Variants in KCNH8 observed in about 807,000 individuals in gnomAD.
KCNH8 encodes voltage-gated delayed rectifier potassium channel KCNH8.
A neutral mutation model predicts 103.6 loss-of-function variants in KCNH8; 70 were observed. The observed-to-expected ratio is 0.68, with a 90% CI of 0.56 to 0.82. KCNH8 has a LOEUF of 0.82. KCNH8 is among the 40% of genes least tolerant of loss of function. The probability of loss-of-function intolerance (pLI) is 0.00; values close to 1 mark genes in which losing one functional copy is unlikely to be tolerated. For synonymous variants in KCNH8, 498 were observed against 489.4 expected (o/e 1.02, Z -0.23); for missense variants, 1,217 against 1,329.9 (o/e 0.92, Z 1.32).
chr3:19,523,623 T>C (rs2069010937), intron 15 of KCNH8, among the ~76,000 whole-genome samples: 1 of 151,970 alleles, frequency 6.6e-6, no homozygotes, highest in African/African-American at 2.4e-5. Context: ...TTGTTCGGTT[T>C]GAAAGATAAA....
chr3:19,195,653 G>C (rs766975401), intron 1 of KCNH8, among the ~76,000 whole-genome samples: 1 of 151,960 alleles, frequency 6.6e-6, no homozygotes, highest in Non-Finnish European at 1.5e-5. Context: ...CAGAGGAGAA[G>C]ATACTCCATC....
chr3:19,148,649 TC>T lies in KCNH8; in HGVS notation c.-70del. On this transcript the variant is annotated 5_prime_UTR_variant, in exon 1 of 16. Transcript: ENST00000328405. ...CCGTCATCAGGTTCCCCTTCTCCCT[TC>T]TTGGCACTTTCCTTTCGAACCATCC... The T allele has an allele frequency of 6.8e-7, 1 of 1,481,466 alleles. No individual in the cohort carries two copies. Among genetic ancestry groups the T allele is most frequent in the South Asian group, 1.1e-5 (1 of 88,682 alleles). 91.8% of individuals were successfully genotyped at this position (1,481,466 alleles called of 1,614,324 possible).
At chr3:19,472,605 G>A (rs762305208) in intron 11 of KCNH8, among the ~76,000 whole-genome samples, 19 of 152,124 alleles carry the variant, frequency 1.2e-4, no homozygotes, top group African/African-American at 2.4e-4. Flanking sequence ...CTGTAAGTCC[G>A]TTAAACCTCT....
intron 2 of KCNH8, among the ~76,000 whole-genome samples, chr3:19,277,496 G>C (rs1005320988): frequency 2.0e-5 from 3 of 152,028 alleles, no homozygotes; most frequent in Non-Finnish European, 2.9e-5. Flanking sequence ...TCTAAAGTAG[G>C]CTGTGATCAT....
chr3:19,468,792 C>T (rs1029041902), intron 11 of KCNH8, among the ~76,000 whole-genome samples: 7 of 152,138 alleles, frequency 4.6e-5, no homozygotes, highest in African/African-American at 1.2e-4. Context: ...CCATGAGATT[C>T]GACTTCATGA....
At chr3:19,295,515 A>G (rs1275764067) in intron 3 of KCNH8, among the ~76,000 whole-genome samples, 2 of 152,218 alleles carry the variant, frequency 1.3e-5, no homozygotes, top group East Asian at 1.9e-4. Context: ...ATATCCAGCA[A>G]TATTTACCTA....
intron 7 of KCNH8, 23 bp downstream of exon 7, chr3:19,395,334 T>C: frequency 6.5e-7 from 1 of 1,532,676 alleles, no homozygotes; most frequent in East Asian, 2.3e-5. Flanking sequence ...ATTTGTCACA[T>C]TTTCCATTTT....
chr3:19,470,344 CTG>C (rs2125202272), intron 11 of KCNH8, among the ~76,000 whole-genome samples: 1 of 152,302 alleles, frequency 6.6e-6, no homozygotes, highest in South Asian at 2.1e-4. Flanking sequence ...CATTATCTCT[CTG>C]TTTCTTACTT....
chr3:19,451,129 A>C, intron 9 of KCNH8, 26 bp from the exon 10 acceptor site: 1 of 1,611,840 alleles, frequency 6.2e-7, no homozygotes, highest in Non-Finnish European at 8.5e-7. Flanking sequence ...CCCCAATTTG[A>C]TTTCCTCCTT....
Position 19,395,165 on chromosome 3 carries a change from A to G in KCNH8, c.1031A>G (p.Lys344Arg), listed in dbSNP as rs760137238. ...RLLRLLRLLQ[K>R]LDRYSQHSTI... Reference sequence around the variant, plus strand: ...TTGCGTCTTTTGCGTCTGCTGCAGAAGTTAGACCGCTATTCCCAACACAGT... The same window carrying G: ...TTGCGTCTTTTGCGTCTGCTGCAGAGGTTAGACCGCTATTCCCAACACAGT... The change falls in exon 7 of 16, where the codon AAG (lysine) becomes AGG (arginine). Residue 344 changes from lysine (K) to arginine (R), a missense_variant. Around this residue, in one of 3 missense-constraint regions of KCNH8, gnomAD observed 415 missense variants for 577.4 expected, o/e 0.72. Coordinates refer to ENST00000328405, the MANE Select transcript of KCNH8 (RefSeq NM_144633.3). 3 of 1,611,382 alleles carry G rather than the reference A, an allele frequency of 1.9e-6. No homozygotes were observed. The highest frequency in any genetic ancestry group is 2.5e-6 in the Non-Finnish European group (3 of 1,178,710).
intron 5 of KCNH8, among the ~76,000 whole-genome samples, chr3:19,361,487 G>A (rs2065946358): frequency 4.6e-5 from 7 of 152,034 alleles, no homozygotes. Context: ...GTATTTTGAG[G>A]TTATTTCCTA....
intron 2 of KCNH8, among the ~76,000 whole-genome samples, chr3:19,274,579 G>T (rs1228569143): frequency 1.3e-5 from 2 of 152,098 alleles, no homozygotes; most frequent in African/African-American, 4.8e-5. Context: ...AATAACCCCA[G>T]TTAATTTGTT....
chr3:19,165,019 G>A (rs11914939), intron 1 of KCNH8, among the ~76,000 whole-genome samples: 4,852 of 152,146 alleles, frequency 0.032, 258 homozygotes, highest in African/African-American at 0.11. Flanking sequence ...CAAGAGGGGT[G>A]GAATTACAAG....
At chr3:19,218,507 G>T (rs1294689764) in intron 1 of KCNH8, among the ~76,000 whole-genome samples, 1 of 152,174 alleles carries the variant, frequency 6.6e-6, no homozygotes, top group African/African-American at 2.4e-5. Context: ...GCTTTAGTCA[G>T]ATCATATCAC....
intron 5 of KCNH8, among the ~76,000 whole-genome samples, chr3:19,360,480 T>C (rs1559491934): frequency 6.6e-6 from 1 of 152,054 alleles, no homozygotes; most frequent in Non-Finnish European, 1.5e-5. Context: ...GTTTTATTGT[T>C]GCATTCCCAC....
At chr3:19,241,753 T>A (rs572780376) in intron 1 of KCNH8, among the ~76,000 whole-genome samples, 1 of 144,984 alleles carries the variant, frequency 6.9e-6, no homozygotes, top group Admixed American at 6.7e-5. Flanking sequence ...CACACACACA[T>A]GCTTGATAGA....
intron 11 of KCNH8, among the ~76,000 whole-genome samples, chr3:19,497,262 T>C (rs1001707298): frequency 1.3e-5 from 2 of 152,184 alleles, no homozygotes; most frequent in South Asian, 4.1e-4. Flanking sequence ...AGCTCTAATT[T>C]TGGTTATTTC....
chr3:19,387,497 G>A (rs1357790583), intron 5 of KCNH8, among the ~76,000 whole-genome samples: 3 of 152,134 alleles, frequency 2.0e-5, no homozygotes, highest in Non-Finnish European at 4.4e-5. Context: ...ATCAATGAGT[G>A]TGAAAAAGTG....
intron 7 of KCNH8, among the ~76,000 whole-genome samples, chr3:19,402,956 A>C (rs2066635216): frequency 6.6e-6 from 1 of 151,866 alleles, no homozygotes; most frequent in African/African-American, 2.4e-5. Flanking sequence ...AGTTATAGGA[A>C]ACCAAAAGTC....
Sources: gnomAD v4.1 joint callset for allele counts (sites outside exome capture counted in the v4.1 genomes callset) on GRCh38, gnomAD v4.1.1 for gene constraint, gnomAD v4.1.1 regional missense constraint, MANE v1.5 for transcripts, NCBI Gene and HGNC (gene_info 2026-07-23, HGNC 2026-07-21) for gene names.